Variants in NELL1 observed in about 807,000 individuals in gnomAD.
NELL1 encodes protein kinase C-binding protein NELL1.
Under a neutral mutation model 107.4 loss-of-function variants are expected in NELL1, and 76 were observed. The observed-to-expected ratio is 0.71, with a 90% CI of 0.59 to 0.86. The LOEUF (loss-of-function observed/expected upper bound fraction) is 0.86, where lower values mean the gene tolerates loss of function less well. Among genes scored for constraint, NELL1 ranks in the 40% least tolerant of loss-of-function variants. The probability of loss-of-function intolerance (pLI) is 0.00; values close to 1 mark genes in which losing one functional copy is unlikely to be tolerated. For missense variants in NELL1, 1,024 were observed against 1,005.5 expected, an observed-to-expected ratio of 1.02 and a Z score of -0.25; for synonymous variants, 353 against 341.2, an observed-to-expected ratio of 1.03 and a Z score of -0.38.
chr11:21,016,880 A>G (rs1017849681), intron 12 of NELL1, among the ~76,000 whole-genome samples: 1 of 152,018 alleles, frequency 6.6e-6, no homozygotes, highest in African/African-American at 2.4e-5. Context: ...ATTGGTAAGC[A>G]TTGTAATATG....
At chr11:21,503,718 C>G (rs1452898292) in intron 15 of NELL1, among the ~76,000 whole-genome samples, 2 of 152,092 alleles carry the variant, frequency 1.3e-5, no homozygotes, top group South Asian at 2.1e-4. Context: ...CATTTAGAGG[C>G]TATTCTCAGT....
At chr11:20,758,776 A>T (rs1342413534) in intron 2 of NELL1, among the ~76,000 whole-genome samples, 1 of 152,176 alleles carries the variant, frequency 6.6e-6, no homozygotes, top group East Asian at 1.9e-4. Context: ...TAGTGCCCCT[A>T]AGTGGTGGGA....
At chr11:21,241,657 G>A (rs1474724891) in intron 14 of NELL1, among the ~76,000 whole-genome samples, 1 of 152,066 alleles carries the variant, frequency 6.6e-6, no homozygotes, top group Non-Finnish European at 1.5e-5. Context: ...ATCAGATATT[G>A]GTGGAATGTT....
rs527875435 is a variant in NELL1, at chr11:20,835,352, G to C, written c.336-12231G>C. Among the ~76,000 whole-genome samples, 19 of 152,160 alleles carry C rather than the reference G, an allele frequency of 1.2e-4. No homozygotes were observed. The South Asian group carries it at 2.9e-3, about 23-fold the overall frequency. On this transcript the variant is annotated intron_variant, in intron 3 of 19. Transcript: ENST00000357134. The stretch of plus-strand genomic sequence containing the variant: ...TGTTGCTTACTTATCTTTACACTTA[G>C]TGCCTTCTTTGCATATATGATTTTC...
intron 3 of NELL1, among the ~76,000 whole-genome samples, chr11:20,792,529 TC>T (rs1388871783): frequency 6.6e-6 from 1 of 151,982 alleles, no homozygotes; most frequent in African/African-American, 2.4e-5. Flanking sequence ...GTAAAGGAAA[TC>T]TAATTTTATT....
Position 21,116,244 on chromosome 11 carries a change from G to C in NELL1, c.1426+2530G>C, listed in dbSNP as rs113407667. On this transcript the variant is annotated intron_variant, in intron 13 of 19. Coordinates refer to ENST00000357134, the MANE Select transcript of NELL1 (RefSeq NM_006157.5). Reference sequence around the variant, plus strand: ...GGCTTTTGTGCCATCCTATTTCCTGGTTTTCCCTCTTTGTCACTTGTCACT... The same window carrying C: ...GGCTTTTGTGCCATCCTATTTCCTGCTTTTCCCTCTTTGTCACTTGTCACT... Among the ~76,000 whole-genome samples the C allele has an allele frequency of 3.6e-4, 55 of 151,922 alleles. 1 individual carries two copies. The highest frequency in any genetic ancestry group is 7.2e-4 in the Non-Finnish European group (49 of 67,904).
In NELL1 at chr11:20,934,615, A is replaced by T. The variant is rs540128582; in HGVS notation, c.998-3171A>T. Among the ~76,000 whole-genome samples the T allele has an allele frequency of 2.0e-5, 3 of 152,350 alleles. No homozygotes were observed. In the East Asian group the frequency reaches 5.8e-4, roughly 29 times the overall value. On this transcript the variant is annotated intron_variant, in intron 9 of 19. Coordinates refer to ENST00000357134, the MANE Select transcript of NELL1 (RefSeq NM_006157.5). Reference sequence around the variant, plus strand: ...TGGGAGTGGCAAGGGGCAAAGGAAGAAAAAATGTCTATTTCTTCGCTTCAC... The same window carrying T: ...TGGGAGTGGCAAGGGGCAAAGGAAGTAAAAATGTCTATTTCTTCGCTTCAC...
At chr11:20,729,124 A>C (rs1855572009) in intron 2 of NELL1, among the ~76,000 whole-genome samples, 1 of 60,876 alleles carries the variant, frequency 1.6e-5, no homozygotes, top group East Asian at 5.6e-4. Flanking sequence ...TTGGTATATA[A>C]AAATGCTACT....
intron 14 of NELL1, among the ~76,000 whole-genome samples, chr11:21,343,297 A>G (rs568457608): frequency 2.0e-5 from 3 of 151,974 alleles, no homozygotes; most frequent in South Asian, 2.1e-4. Context: ...TCACAAATGT[A>G]TATGATTCAT....
chr11:20,796,691 T>C (rs948800521), intron 3 of NELL1, among the ~76,000 whole-genome samples: 1 of 152,100 alleles, frequency 6.6e-6, no homozygotes, highest in Non-Finnish European at 1.5e-5. Flanking sequence ...ATTCTGGAGA[T>C]AACAATGCAA....
At chr11:21,545,215 TA>T (rs1227505923) in intron 16 of NELL1, among the ~76,000 whole-genome samples, 2 of 151,628 alleles carry the variant, frequency 1.3e-5, no homozygotes, top group Admixed American at 6.6e-5. Context: ...CTCTATTTTT[TA>T]AAATGACATT....
chr11:21,039,956 T>C (rs1853188805), intron 12 of NELL1, among the ~76,000 whole-genome samples: 1 of 152,156 alleles, frequency 6.6e-6, no homozygotes, highest in Non-Finnish European at 1.5e-5. Context: ...TTGTAGAAAT[T>C]GTATAATTTA....
intron 15 of NELL1, among the ~76,000 whole-genome samples, chr11:21,473,157 C>T (rs945551511): frequency 2.0e-5 from 3 of 151,984 alleles, no homozygotes; most frequent in Admixed American, 6.6e-5. Flanking sequence ...ACTGTAGCAG[C>T]ATTTGTACTC....
At position 20,713,971 on chromosome 11, in the gene NELL1, C is replaced by T. The variant is rs79191674; in HGVS notation, c.184+35911C>T. On this transcript the variant is annotated intron_variant, in intron 2 of 19. Coordinates refer to ENST00000357134, the MANE Select transcript of NELL1 (RefSeq NM_006157.5). Reference sequence around the variant, plus strand: ...TCAGTTTGCATGTATGTTTGGAGGCCGGTTTTTCCCCTCTCACCCTTCGGG... The same window carrying T: ...TCAGTTTGCATGTATGTTTGGAGGCTGGTTTTTCCCCTCTCACCCTTCGGG... 7.1e-3 allele frequency among the ~76,000 whole-genome samples: 1,073 copies of T among 152,116 alleles called. 8 individuals carry two copies. The highest frequency in any genetic ancestry group is 0.025 in the African/African-American group (1,025 of 41,480).
chr11:21,301,634 T>G (rs1849493648), intron 14 of NELL1, among the ~76,000 whole-genome samples: 2 of 152,170 alleles, frequency 1.3e-5, no homozygotes, highest in East Asian at 1.9e-4. Flanking sequence ...CTTGGTAGTT[T>G]CTGGATATTA....
chr11:20,752,302 C>T (rs1856158831), intron 2 of NELL1, among the ~76,000 whole-genome samples: 1 of 152,154 alleles, frequency 6.6e-6, no homozygotes, highest in African/African-American at 2.4e-5. Context: ...ATAATCCCAG[C>T]AGTTTGGGAG....
chr11:20,809,092 G>A (rs1280808182), intron 3 of NELL1, among the ~76,000 whole-genome samples: 1 of 152,144 alleles, frequency 6.6e-6, no homozygotes, highest in Non-Finnish European at 1.5e-5. Flanking sequence ...ACCTCCTCCT[G>A]AAGAATTTGA....
chr11:21,205,836 A>C (rs1857378557), intron 13 of NELL1, among the ~76,000 whole-genome samples: 1 of 152,074 alleles, frequency 6.6e-6, no homozygotes, highest in East Asian at 1.9e-4. Context: ...CTCATGTTGG[A>C]GCTCTGATTT....
chr11:21,208,813 T>A (rs961606367), intron 13 of NELL1, among the ~76,000 whole-genome samples: 27 of 152,238 alleles, frequency 1.8e-4, no homozygotes, highest in African/African-American at 6.5e-4. Context: ...ATCTATAAGC[T>A]CTTAAAGTGG....
Sources: gnomAD v4.1 joint callset for allele counts (sites outside exome capture counted in the v4.1 genomes callset) on GRCh38, gnomAD v4.1.1 for gene constraint, MANE v1.5 for transcripts, NCBI Gene and HGNC (gene_info 2026-07-23, HGNC 2026-07-21) for gene names.